OR8B3: variants seen among roughly 807,000 people sequenced by gnomAD.
OR8B3 encodes the protein olfactory receptor 8B3.
For missense variants in OR8B3, 278 were observed against 377.6 expected, an observed-to-expected ratio of 0.74 and a Z score of 2.19; for synonymous variants, 102 against 135.4, an observed-to-expected ratio of 0.75 and a Z score of 1.71.
At chr11:124,402,065 C>T (rs1014315873), upstream of OR8B3, among the ~76,000 whole-genome samples, 2 of 152,252 alleles carry the variant, frequency 1.3e-5, no homozygotes, top group African/African-American at 4.8e-5. Context: ...ATCAGATACT[C>T]TCCACTCTTG....
At chr11:124,402,260 A>G (rs1025498375), upstream of OR8B3, among the ~76,000 whole-genome samples, 1 of 152,256 alleles carries the variant, frequency 6.6e-6, no homozygotes, top group African/African-American at 2.4e-5. Flanking sequence ...ATTTGCAGAT[A>G]CAATACTTCC....
upstream of OR8B3, among the ~76,000 whole-genome samples, chr11:124,403,309 C>A (rs930806620): frequency 1.3e-5 from 2 of 151,542 alleles, no homozygotes; most frequent in African/African-American, 4.9e-5. Flanking sequence ...AAACCGCCAT[C>A]GTCATCATGG....
chr11:124,403,610 G>A (rs1164305076), upstream of OR8B3, among the ~76,000 whole-genome samples: 5 of 151,758 alleles, frequency 3.3e-5, no homozygotes, highest in South Asian at 2.1e-4. Context: ...CCGGGAAGAG[G>A]CGCTCCTCAC....
chr11:124,403,666 C>T (rs1222204820), upstream of OR8B3, among the ~76,000 whole-genome samples: 13 of 150,504 alleles, frequency 8.6e-5, no homozygotes, highest in African/African-American at 1.2e-4. Context: ...ACATCCCAGA[C>T]GATGGGCGGC....
At chr11:124,407,861 A>G in the OR8B3 span, among the ~76,000 whole-genome samples, 9 of 152,196 alleles carry the variant, frequency 5.9e-5, no homozygotes, top group Admixed American at 2.6e-4. Context: ...CTGGAATTGC[A>G]TTAAATCTAC....
At chr11:124,399,956 G>A (rs1565352046), upstream of OR8B3, among the ~76,000 whole-genome samples, 1 of 151,262 alleles carries the variant, frequency 6.6e-6, no homozygotes, top group Non-Finnish European at 1.5e-5. Flanking sequence ...AACCTCCCAG[G>A]TTCAATAGAT....
In OR8B3 at chr11:124,397,115, G is replaced by T. The variant is rs1860897344; in HGVS notation, c.237C>A (p.Pro79=). The change falls in exon 2 of 2, where the codon CCC becomes CCA. Residue 79 remains proline, a synonymous_variant. Transcript: ENST00000641139. ...TTGATACAAAGTTCATTAGCATTTT[G>T]GGAGTGAAAACAGAGGAGTAACAGA... The part of the protein sequence containing the change: ...IDLCYSSVFT[P]KMLMNFVSKK... 1.2e-6 allele frequency: 2 copies of T among 1,613,436 alleles called. No individual in the cohort carries two copies. Among genetic ancestry groups the T allele is most frequent in the Middle Eastern group, 1.6e-4 (1 of 6,078 alleles).
At chr11:124,400,815 G>A (rs1860982198), upstream of OR8B3, among the ~76,000 whole-genome samples, 1 of 151,640 alleles carries the variant, frequency 6.6e-6, no homozygotes, top group Non-Finnish European at 1.5e-5. Context: ...AATCTCCCAA[G>A]GTGTAATCTC....
chr11:124,404,262 G>C, the OR8B3 span: 2 of 152,190 alleles, frequency 1.3e-5, no homozygotes, highest in Non-Finnish European at 2.9e-5. Flanking sequence ...AACTTTTTCA[G>C]AAGGTAGTAG....
At chr11:124,399,214 A>C (rs1378347441), upstream of OR8B3, among the ~76,000 whole-genome samples, 1 of 152,220 alleles carries the variant, frequency 6.6e-6, no homozygotes, top group African/African-American at 2.4e-5. Flanking sequence ...AATTTTTGCT[A>C]ATTATAATCC....
chr11:124,397,330 A>T lies in OR8B3; in HGVS notation c.22T>A (p.Leu8Ile). The change falls in exon 2 of 2, where the codon TTA becomes ATA. Residue 8 changes from leucine to isoleucine, a missense_variant. Physicochemically the swap from Leu to Ile is conservative, Grantham distance 5. Coordinates refer to ENST00000641139, the MANE Select transcript of OR8B3 (RefSeq NM_001005467.2). ...CCAGCAAGAATAAATTCAGTCACTA[A>T]GGAGTTGTTTCTAGCCAGCATTTTT... MLARNNS[L>I]VTEFILAGLT... 7.3e-7 allele frequency: 1 copy of T among 1,371,358 alleles called. No homozygotes were observed. The allele number at this position is 1,371,358 out of a possible 1,614,324, so 84.9% of individuals were successfully genotyped here. A position where few individuals can be genotyped will look rare whatever the true frequency, so the allele number is the denominator to read the frequency against.
Position 124,396,787 on chromosome 11 carries a change from A to G in OR8B3, c.565T>C (p.Cys189Arg), listed in dbSNP as rs1860884592. Reference sequence around the variant, plus strand: ...ACCTCGTTGACATAGGTGCTGGTGCAGGAAAGCTGGAGGAGGGGGAGTATG... The same window carrying G: ...ACCTCGTTGACATAGGTGCTGGTGCGGGAAAGCTGGAGGAGGGGGAGTATG... ...CDILPLLQLS[C>R]TSTYVNEVVV... The change falls in exon 2 of 2, where the codon TGC becomes CGC. Residue 189 changes from cysteine to arginine, a missense_variant. By Grantham distance (180) the Cys-to-Arg change is radical. Coordinates refer to ENST00000641139, the MANE Select transcript of OR8B3 (RefSeq NM_001005467.2). 6.2e-7 allele frequency: 1 copy of G among 1,613,076 alleles called. No individual in the cohort carries two copies. The highest frequency in any genetic ancestry group is 8.5e-7 in the Non-Finnish European group (1 of 1,179,430).
chr11:124,399,401 A>G (rs1053288531), upstream of OR8B3, among the ~76,000 whole-genome samples: 3 of 152,220 alleles, frequency 2.0e-5, no homozygotes, highest in Non-Finnish European at 4.4e-5. Flanking sequence ...TTTTTAATAA[A>G]AATTTTGTGT....
At chr11:124,405,691 A>G in the OR8B3 span, among the ~76,000 whole-genome samples, 6 of 152,198 alleles carry the variant, frequency 3.9e-5, no homozygotes, top group South Asian at 2.1e-4. Flanking sequence ...CAAGCAGTAA[A>G]ACAACTTTAG....
upstream of OR8B3, among the ~76,000 whole-genome samples, chr11:124,399,710 C>T (rs1256719725): frequency 2.0e-5 from 3 of 152,268 alleles, no homozygotes; most frequent in Middle Eastern, 3.4e-3. Context: ...ATGTCTTCCA[C>T]GACTATAGGA....
upstream of OR8B3, among the ~76,000 whole-genome samples, chr11:124,400,373 T>C (rs1367650098): frequency 6.6e-6 from 1 of 152,156 alleles, no homozygotes; most frequent in East Asian, 1.9e-4. Flanking sequence ...AATTTTGAAA[T>C]ATATATTGCA....
upstream of OR8B3, among the ~76,000 whole-genome samples, chr11:124,401,978 C>T (rs1301281390): frequency 6.6e-6 from 1 of 152,210 alleles, no homozygotes; most frequent in Non-Finnish European, 1.5e-5. Flanking sequence ...GGTGAAGTGC[C>T]TCTTTGGTCA....
upstream of OR8B3, among the ~76,000 whole-genome samples, chr11:124,399,436 T>TA (rs947074108): frequency 6.6e-5 from 10 of 152,208 alleles, no homozygotes; most frequent in Non-Finnish European, 4.4e-5. Context: ...CTTTATTTCA[T>TA]AAAAATGTAT....
At chr11:124,403,338 T>C (rs1335258636), upstream of OR8B3, among the ~76,000 whole-genome samples, 1 of 152,090 alleles carries the variant, frequency 6.6e-6, no homozygotes, top group Non-Finnish European at 1.5e-5. Context: ...CAATGAGCTG[T>C]TGGGTACACC....
Sources: gnomAD v4.1 joint callset for allele counts (sites outside exome capture counted in the v4.1 genomes callset) on GRCh38, gnomAD v4.1.1 for gene constraint, MANE v1.5 for transcripts, NCBI Gene and HGNC (gene_info 2026-07-23, HGNC 2026-07-21) for gene names.